Variants in QTGAL observed in about 807,000 individuals in gnomAD.
QTGAL encodes the protein BGnT-like protein 1.
chr17:82,977,148 G>A, the QTGAL span, among the ~76,000 whole-genome samples: 1 of 152,258 alleles, frequency 6.6e-6, no homozygotes, highest in African/African-American at 2.4e-5. Flanking sequence ...GAGGAACACT[G>A]GGAAACGTAT....
chr17:82,974,480 C>G, the QTGAL span, among the ~76,000 whole-genome samples: 1 of 152,188 alleles, frequency 6.6e-6, no homozygotes, highest in Admixed American at 6.5e-5. Context: ...TCAGGGCGGA[C>G]TTGGTGCCTC....
At chr17:82,994,378 T>C in the QTGAL span, among the ~76,000 whole-genome samples, 1,390 of 151,990 alleles carry the variant, frequency 9.1e-3, 26 homozygotes, top group African/African-American at 0.031. Context: ...CACCAATAAA[T>C]TGGAAAATCT....
the QTGAL span, among the ~76,000 whole-genome samples, chr17:82,970,596 C>G: frequency 8.9e-6 from 1 of 112,274 alleles, no homozygotes; most frequent in Non-Finnish European, 1.6e-5. Context: ...ACCTCCGCAC[C>G]CGGCGTGGCC....
the QTGAL span, among the ~76,000 whole-genome samples, chr17:82,950,237 T>G: frequency 6.6e-6 from 1 of 152,160 alleles, no homozygotes; most frequent in South Asian, 2.1e-4. Flanking sequence ...GAACCTCTTT[T>G]CCCATGCTCA....
chr17:82,959,628 C>G, the QTGAL span, among the ~76,000 whole-genome samples: 1 of 151,966 alleles, frequency 6.6e-6, no homozygotes, highest in Admixed American at 6.5e-5. Context: ...TCCTCCTCAT[C>G]CACTGACATC....
the QTGAL span, among the ~76,000 whole-genome samples, chr17:83,047,265 G>A: frequency 3.3e-5 from 5 of 152,118 alleles, no homozygotes; most frequent in African/African-American, 1.2e-4. Context: ...CTTTTATAAG[G>A]GCACTAATCT....
chr17:82,956,980 C>A, the QTGAL span, among the ~76,000 whole-genome samples: 1 of 152,222 alleles, frequency 6.6e-6, no homozygotes, highest in Admixed American at 6.5e-5. The surrounding 1 kb of genome is among the most constrained non-coding windows in gnomAD (Gnocchi z 5.7). Context: ...CAGAACTGAC[C>A]AGGGTGGGCT....
chr17:82,955,735 C>T, the QTGAL span, among the ~76,000 whole-genome samples: 2 of 152,106 alleles, frequency 1.3e-5, no homozygotes, highest in Non-Finnish European at 2.9e-5. Flanking sequence ...ATAGCAAAGA[C>T]ATGGAATCAA....
the QTGAL span, among the ~76,000 whole-genome samples, chr17:82,971,678 GGTGCCC>G: frequency 1.4e-4 from 6 of 41,416 alleles, 1 homozygote; most frequent in African/African-American, 4.4e-4. Context: ...AGAAGGACCT[GGTGCCC>G]ACCACACCAC....
At chr17:82,956,958 G>T in the QTGAL span, 1 of 939,104 alleles carries the variant, frequency 1.1e-6, no homozygotes, top group Non-Finnish European at 1.6e-6. This position sits in a 1 kb window ranked among gnomAD's most constrained non-coding sequence, Gnocchi z 5.7. Context: ...ACCCCCGCCT[G>T]ACACCCGACT....
At chr17:82,986,832 C>A in the QTGAL span, among the ~76,000 whole-genome samples, 4 of 152,304 alleles carry the variant, frequency 2.6e-5, no homozygotes, top group East Asian at 1.9e-4. Flanking sequence ...AATGTTGGGG[C>A]GTATTACTCC....
At chr17:82,984,394 G>A in the QTGAL span, among the ~76,000 whole-genome samples, 1 of 151,066 alleles carries the variant, frequency 6.6e-6, no homozygotes, top group Non-Finnish European at 1.5e-5. Context: ...GCAGGGGAGA[G>A]GCCATGTGAG....
the QTGAL span, among the ~76,000 whole-genome samples, chr17:83,041,699 C>T: frequency 4.6e-5 from 7 of 152,182 alleles, no homozygotes. Context: ...GACTCATGGC[C>T]ACTGCCTGGT....
the QTGAL span, among the ~76,000 whole-genome samples, chr17:82,957,785 C>T: frequency 1.2e-4 from 18 of 152,300 alleles, no homozygotes; most frequent in Admixed American, 5.2e-4. Flanking sequence ...TTCTGTAGGA[C>T]GCAGAGGACT....
At chr17:83,048,327 C>G in the QTGAL span, 3 of 731,806 alleles carry the variant, frequency 4.1e-6, no homozygotes, top group South Asian at 5.2e-5. Context: ...CACACCTGGC[C>G]TCTACTAGGT....
chr17:82,958,849 TGGGG>T, the QTGAL span, among the ~76,000 whole-genome samples: 12 of 93,664 alleles, frequency 1.3e-4, no homozygotes, highest in African/African-American at 5.9e-4. Flanking sequence ...GTGTGTACAC[TGGGG>T]GTGTATGGTG....
chr17:82,997,820 C>G, the QTGAL span, among the ~76,000 whole-genome samples: 5 of 151,674 alleles, frequency 3.3e-5, no homozygotes, highest in African/African-American at 1.2e-4. Context: ...GCTAAACATT[C>G]AAACAATTGA....
the QTGAL span, among the ~76,000 whole-genome samples, chr17:82,977,652 G>A: frequency 6.6e-6 from 1 of 152,056 alleles, no homozygotes; most frequent in Non-Finnish European, 1.5e-5. Context: ...TGAAAGAGCT[G>A]GACCACTCTC....
the QTGAL span, among the ~76,000 whole-genome samples, chr17:83,036,721 C>T: frequency 6.6e-6 from 1 of 152,272 alleles, no homozygotes. Flanking sequence ...GGCAGACCAC[C>T]GTCCTGGGTG....
Sources: allele counts gnomAD v4.1 joint callset (sites outside exome capture counted in the v4.1 genomes callset), GRCh38; gene constraint gnomAD v4.1.1; non-coding constraint Gnocchi (gnomAD v3.1); transcripts MANE v1.5; gene names NCBI Gene and HGNC (gene_info 2026-07-23, HGNC 2026-07-21).